Variants in GRIN3A observed in about 807,000 individuals in gnomAD.
GRIN3A encodes glutamate receptor ionotropic, NMDA 3A.
In GRIN3A, 47 loss-of-function variants were observed where a neutral mutation model predicts 92.4. That is an observed-to-expected ratio of 0.51 (90% CI 0.40 to 0.65). The LOEUF (loss-of-function observed/expected upper bound fraction) is 0.65. Ranked by LOEUF, GRIN3A falls within the 30% of genes least tolerant of loss-of-function variation. The pLI is 0.00. For missense variants in GRIN3A, 1,324 were observed against 1,393.1 expected (o/e 0.95, Z 0.79); for synonymous variants, 527 against 540.6 (o/e 0.97, Z 0.35).
At chr9:101,584,711 A>C (rs1289310040) in intron 6 of GRIN3A, among the ~76,000 whole-genome samples, 1 of 152,242 alleles carries the variant, frequency 6.6e-6, no homozygotes. Context: ...AAATTCAGAT[A>C]AAAGGAGATG....
At chr9:101,704,920 G>C (rs1426817835) in intron 1 of GRIN3A, among the ~76,000 whole-genome samples, 1 of 152,088 alleles carries the variant, frequency 6.6e-6, no homozygotes, top group Non-Finnish European at 1.5e-5. Context: ...CGTCTGTATT[G>C]GGAATGCAGC....
At chr9:101,716,744 T>C (rs1564151380) in intron 1 of GRIN3A, among the ~76,000 whole-genome samples, 1 of 152,216 alleles carries the variant, frequency 6.6e-6, no homozygotes, top group Non-Finnish European at 1.5e-5. Context: ...AATCCCTTGA[T>C]ATTTCCTAGT....
chr9:101,712,804 C>T (rs1478524437), intron 1 of GRIN3A, among the ~76,000 whole-genome samples: 1 of 152,112 alleles, frequency 6.6e-6, no homozygotes, highest in African/African-American at 2.4e-5. Context: ...AACTAATATT[C>T]CTGGAAACAC....
intron 6 of GRIN3A, among the ~76,000 whole-genome samples, chr9:101,600,000 T>C (rs57949850): frequency 0.021 from 3,240 of 152,278 alleles, 121 homozygotes; most frequent in African/African-American, 0.074. Context: ...TTTTCTTTTG[T>C]AATACTGAAA....
chr9:101,641,631 G>C, intron 3 of GRIN3A, among the ~76,000 whole-genome samples: 1 of 151,974 alleles, frequency 6.6e-6, no homozygotes, highest in East Asian at 1.9e-4. Flanking sequence ...GGACTGTTGT[G>C]GGGTGGGGGG....
chr9:101,723,814 T>G (rs922253005), intron 1 of GRIN3A, among the ~76,000 whole-genome samples: 8 of 152,110 alleles, frequency 5.3e-5, no homozygotes, highest in Non-Finnish European at 1.2e-4. Context: ...TGGGTGCTGA[T>G]TGGTGTGTTT....
At chr9:101,644,478 A>C (rs1212268200) in intron 3 of GRIN3A, among the ~76,000 whole-genome samples, 4 of 150,734 alleles carry the variant, frequency 2.7e-5, no homozygotes, top group Non-Finnish European at 5.9e-5. Flanking sequence ...AAAAAAAAAA[A>C]CACAGTGTGA....
rs531596302 is a variant in GRIN3A at position 101,702,156 on chromosome 9, G to A, written c.700-14956C>T. Among the ~76,000 whole-genome samples the A allele has an allele frequency of 7.9e-5, 12 of 152,184 alleles. No homozygotes were observed. The East Asian group carries it at 2.3e-3, about 30-fold the overall frequency. On this transcript the variant is annotated intron_variant, in intron 1 of 8. Transcript: ENST00000361820. ...GTCTCTACTAAAAATACAAAAATTA[G>A]CCAGGTGTGGTAGCATATGCCTGTA...
chr9:101,673,499 G>T lies in GRIN3A; in HGVS notation c.1305-2392C>A, dbSNP rs1829355331. Among the ~76,000 whole-genome samples, 2 of 152,056 alleles carry T rather than the reference G, an allele frequency of 1.3e-5. 1 individual carries two copies. The highest frequency in any genetic ancestry group is 4.1e-4 in the South Asian group (2 of 4,832). Reference sequence around the variant, plus strand: ...AATCACCATTTATGACAGATTATTTGTGTCTGTTTCATTTTTAGTCTTACG... The same window carrying T: ...AATCACCATTTATGACAGATTATTTTTGTCTGTTTCATTTTTAGTCTTACG... On this transcript the variant is annotated intron_variant, in intron 2 of 8. Transcript: ENST00000361820.
At chr9:101,585,550 A>G (rs1341916741) in intron 6 of GRIN3A, among the ~76,000 whole-genome samples, 2 of 152,210 alleles carry the variant, frequency 1.3e-5, no homozygotes, top group South Asian at 2.1e-4. Flanking sequence ...TCTCATCACA[A>G]TGAACCTCCA....
At chr9:101,735,763 CTT>C (rs1207024101) in intron 1 of GRIN3A, among the ~76,000 whole-genome samples, 2 of 151,840 alleles carry the variant, frequency 1.3e-5, no homozygotes, top group African/African-American at 4.8e-5. Flanking sequence ...GTTTATAACA[CTT>C]TGGTCATTGG....
At chr9:101,682,773 G>A (rs991995687) in intron 2 of GRIN3A, among the ~76,000 whole-genome samples, 1 of 150,464 alleles carries the variant, frequency 6.6e-6, no homozygotes, top group African/African-American at 2.5e-5. Flanking sequence ...ATGAGGTCAG[G>A]AGATCGAGAC....
intron 1 of GRIN3A, among the ~76,000 whole-genome samples, chr9:101,736,712 T>G (rs1283179940): frequency 6.6e-6 from 1 of 152,200 alleles, no homozygotes; most frequent in Non-Finnish European, 1.5e-5. Flanking sequence ...GCTTCTGTAC[T>G]AGGTGCAGAT....
chr9:101,607,111 A>G (rs1466016053), intron 6 of GRIN3A, among the ~76,000 whole-genome samples: 3 of 151,612 alleles, frequency 2.0e-5, no homozygotes, highest in African/African-American at 2.4e-5. Context: ...TTGGACCTGC[A>G]ATTTCCTAAG....
At chr9:101,657,952 C>T (rs1374516757) in intron 3 of GRIN3A, among the ~76,000 whole-genome samples, 3 of 151,900 alleles carry the variant, frequency 2.0e-5, no homozygotes, top group East Asian at 3.9e-4. Context: ...AATATCACAG[C>T]CTTAGCAGCA....
At chr9:101,659,633 G>A (rs896926351) in intron 3 of GRIN3A, among the ~76,000 whole-genome samples, 1 of 151,572 alleles carries the variant, frequency 6.6e-6, no homozygotes, top group Non-Finnish European at 1.5e-5. Flanking sequence ...TACTTGCTAA[G>A]AAGGTTAATA....
At chr9:101,659,199 C>A (rs1281992327) in intron 3 of GRIN3A, among the ~76,000 whole-genome samples, 1 of 151,716 alleles carries the variant, frequency 6.6e-6, no homozygotes, top group Non-Finnish European at 1.5e-5. Flanking sequence ...ATTTAACCTA[C>A]ATGAACTTTT....
rs770131856 is a variant in GRIN3A at position 101,686,806 on chromosome 9, A to G, written c.1094T>C (p.Leu365Pro). ...VLGDSQNVEE[L>P]RTEGLPLGLI... ...CCCTAAGGGCAGACCCTCTGTCCTC[A>G]GTTCCTCCACATTCTGGGAATCTCC... The change falls in exon 2 of 9, where the codon CTG becomes CCG. Residue 365 changes from leucine (L) to proline (P), a missense_variant. By Grantham distance (98) the Leu-to-Pro change is moderately conservative. Transcript: ENST00000361820. 1.9e-6 allele frequency: 3 copies of G among 1,614,080 alleles called. No homozygotes were observed. The Admixed American group carries it at 5.0e-5, about 27-fold the overall frequency.
chr9:101,623,369 T>C lies in GRIN3A; in HGVS notation c.2563A>G (p.Ile855Val), dbSNP rs371543349. ...GTGAGAAGTTTGCAGTCAGCATCTA[T>C]TGACACTTCATAATCCAGAAGGGCT... The part of the protein sequence containing the change: ...DKALLDYEVS[I>V]DADCKLLTVG... The change falls in exon 5 of 9, where the codon ATA becomes GTA. Residue 855 changes from isoleucine (I) to valine (V), a missense_variant. By Grantham distance (29) the Ile-to-Val change is conservative (BLOSUM62 3). Coordinates refer to ENST00000361820, the MANE Select transcript of GRIN3A (RefSeq NM_133445.3). The C allele has an allele frequency of 1.2e-6, 2 of 1,613,904 alleles. No homozygotes were observed. The highest frequency in any genetic ancestry group is 1.7e-6 in the Non-Finnish European group (2 of 1,179,872).
Sources: gnomAD v4.1 joint callset for allele counts (sites outside exome capture counted in the v4.1 genomes callset) on GRCh38, gnomAD v4.1.1 for gene constraint, MANE v1.5 for transcripts, NCBI Gene and HGNC (gene_info 2026-07-23, HGNC 2026-07-21) for gene names.